The following THAP6 variants were observed in gnomAD, a reference collection of about 807,000 sequenced individuals.
The protein encoded by THAP6 is THAP domain containing 6, also known as THAP domain-containing protein 6.
In THAP6, 13 loss-of-function variants were observed where a neutral mutation model predicts 20.0. The observed-to-expected ratio is 0.65, with a 90% CI of 0.42 to 1.03. The LOEUF is 1.03. Ranked by LOEUF, THAP6 falls within the 50% of genes least tolerant of loss-of-function variation. The pLI is 0.00. For synonymous variants in THAP6, 93 were observed against 92.2 expected (o/e 1.01, Z -0.05); for missense variants, 262 against 261.6 (o/e 1.00, Z -0.01).
chr4:75,522,789 T>C (rs1193959681), intron 4 of THAP6, among the ~76,000 whole-genome samples: 2 of 152,236 alleles, frequency 1.3e-5, no homozygotes, highest in African/African-American at 4.8e-5. Context: ...TTTTAATGGC[T>C]TAATAGTACT....
At chr4:75,533,362 G>T (rs1444116020), downstream of THAP6, among the ~76,000 whole-genome samples, 1 of 152,118 alleles carries the variant, frequency 6.6e-6, no homozygotes, top group Non-Finnish European at 1.5e-5. Context: ...TGTCCATATT[G>T]TTACCAGCAT....
chr4:75,514,325 C>T (rs748586221), upstream of THAP6: 1 of 1,592,566 alleles, frequency 6.3e-7, no homozygotes, highest in South Asian at 1.1e-5. Context: ...ATCCTTCCCC[C>T]AGGATAAAAA....
At chr4:75,537,112 C>CA (rs200814814) in intron 2 of THAP6, among the ~76,000 whole-genome samples, 11 of 150,424 alleles carry the variant, frequency 7.3e-5, no homozygotes, top group African/African-American at 1.9e-4. Flanking sequence ...CAAGTGTTGT[C>CA]AAAAAAAAAT....
At chr4:75,514,285 A>C, upstream of THAP6, 1 of 1,611,810 alleles carries the variant, frequency 6.2e-7, no homozygotes, top group Non-Finnish European at 8.5e-7. Context: ...CGTCGCCGCC[A>C]TCTCCTCCAC....
chr4:75,542,586 A>G, intron 3 of THAP6: 1 of 606,220 alleles, frequency 1.6e-6, no homozygotes, highest in South Asian at 2.0e-5. Context: ...CATTTTACAG[A>G]AGAGGAAATT....
At chr4:75,541,722 G>A (rs777248852) in intron 2 of THAP6, among the ~76,000 whole-genome samples, 23 of 152,260 alleles carry the variant, frequency 1.5e-4, no homozygotes, top group Middle Eastern at 3.4e-3. Context: ...TTGGGAGGCC[G>A]AGGCAGGTGG....
rs576544392 is a variant in THAP6 at position 75,518,065 on chromosome 4, G to T, written c.288+1086G>T. On this transcript the variant is annotated intron_variant, in intron 3 of 4. Coordinates refer to ENST00000311638, the MANE Select transcript of THAP6 (RefSeq NM_144721.6). ...TGTAGAACCTGAGTGATCAGGTAGA[G>T]AATGCCTCACTTTCTTCGGTGCTAA... is the stretch of plus-strand genomic sequence containing the variant. Among the ~76,000 whole-genome samples, 6 of 152,366 alleles carry T rather than the reference G, an allele frequency of 3.9e-5. No homozygotes were observed. The South Asian group carries it at 1.2e-3, about 32-fold the overall frequency.
chr4:75,518,688 C>A (rs1228553325), intron 3 of THAP6, among the ~76,000 whole-genome samples: 2 of 152,220 alleles, frequency 1.3e-5, no homozygotes, highest in East Asian at 1.9e-4. Context: ...TTAACTACTA[C>A]TCTCCATGAC....
intron 4 of THAP6, among the ~76,000 whole-genome samples, chr4:75,525,092 GATGAT>G (rs1448795470): frequency 2.0e-5 from 3 of 152,122 alleles, no homozygotes; most frequent in Non-Finnish European, 4.4e-5. Context: ...TGCCTAATCT[GATGAT>G]GATATGCCTT....
chr4:75,514,109 A>G, upstream of THAP6: 1 of 1,536,134 alleles, frequency 6.5e-7, no homozygotes, highest in Non-Finnish European at 8.9e-7. Context: ...TTAACCTCAA[A>G]CTTAAATCCA....
chr4:75,543,406 G>A (rs762754945), intron 3 of THAP6, among the ~76,000 whole-genome samples: 21 of 152,176 alleles, frequency 1.4e-4, no homozygotes, highest in Non-Finnish European at 2.5e-4. Context: ...TTCAGAATCT[G>A]GAGTCTCTCA....
chr4:75,515,241 G>A (rs762344467), intron 1 of THAP6, among the ~76,000 whole-genome samples, 192 bp from the exon 2 acceptor site: 1 of 152,186 alleles, frequency 6.6e-6, no homozygotes, highest in Non-Finnish European at 1.5e-5. Flanking sequence ...GGGGTACACA[G>A]CTAAATATGT....
At chr4:75,532,689 C>T (rs1039619642), downstream of THAP6, among the ~76,000 whole-genome samples, 15 of 152,190 alleles carry the variant, frequency 9.9e-5, no homozygotes, top group African/African-American at 2.9e-4. Flanking sequence ...GCGGAGATGC[C>T]CAAACCTCAG....
chr4:75,518,380 A>G (rs1266271853), intron 3 of THAP6, among the ~76,000 whole-genome samples: 1 of 152,246 alleles, frequency 6.6e-6, no homozygotes, highest in African/African-American at 2.4e-5. Context: ...ATATGCATCT[A>G]TACTTATATA....
Position 75,526,957 on chromosome 4 carries a change from T to G in THAP6, c.415-3T>G. The G allele has an allele frequency of 1.2e-6, 2 of 1,610,452 alleles. No individual in the cohort carries two copies. Among genetic ancestry groups the G allele is most frequent in the Non-Finnish European group, 1.7e-6 (2 of 1,177,682 alleles). On this transcript the variant is annotated splice_region_variant and splice_polypyrimidine_tract_variant and intron_variant, in intron 4 of 4. Transcript: ENST00000311638. ...TTTAATAACTTGGTGTTTATGTTTT[T>G]AGGAACATAGCTACAGTGTAATGGA...
Position 75,529,475 on chromosome 4 carries a change from C to G in THAP6, c.*2261C>G. On this transcript the variant is annotated 3_prime_UTR_variant, in exon 5 of 5. Transcript: ENST00000311638. ...TGCAAAATATTGGTATCATTAAGGA[C>G]CCAGAGCTGCCCATTTTCTCTTTGT... 1.0e-5 allele frequency: 10 copies of G among 985,348 alleles called. No individual in the cohort carries two copies. Among genetic ancestry groups the G allele is most frequent in the Non-Finnish European group, 1.2e-5 (10 of 829,908 alleles). 61.0% of individuals were successfully genotyped at this position (985,348 alleles called of 1,614,324 possible). A position where few individuals can be genotyped will look rare whatever the true frequency, so the allele number is the denominator to read the frequency against.
intron 3 of THAP6, among the ~76,000 whole-genome samples, chr4:75,520,009 A>G: frequency 6.6e-6 from 1 of 151,534 alleles, no homozygotes; most frequent in Non-Finnish European, 1.5e-5. Flanking sequence ...TGACTTTTTA[A>G]TGATTGCCAT....
intron 2 of THAP6, among the ~76,000 whole-genome samples, chr4:75,535,899 C>T (rs1013489165): frequency 2.0e-5 from 3 of 152,196 alleles, no homozygotes; most frequent in African/African-American, 7.2e-5. Flanking sequence ...TACATCATAA[C>T]TGACAAATTT....
At chr4:75,514,046 T>A (rs773796599), upstream of THAP6, 35 of 1,250,072 alleles carry the variant, frequency 2.8e-5, no homozygotes, top group Non-Finnish European at 3.8e-5. Context: ...GCCAAAAACG[T>A]TCTCCTCAAG....
Sources: gnomAD v4.1 joint callset for allele counts (sites outside exome capture counted in the v4.1 genomes callset) on GRCh38, gnomAD v4.1.1 for gene constraint, MANE v1.5 for transcripts, NCBI Gene and HGNC (gene_info 2026-07-23, HGNC 2026-07-21) for gene names.